BIN1: variants seen among roughly 807,000 people sequenced by gnomAD.
BIN1 encodes the protein myc box-dependent-interacting protein 1.
In BIN1, 53 loss-of-function variants were observed where a neutral mutation model predicts 82.0. The ratio of observed to expected loss-of-function variants is 0.65; its 90% confidence interval spans 0.52 to 0.81. The LOEUF (loss-of-function observed/expected upper bound fraction) is 0.81. BIN1 is among the 40% of genes least tolerant of loss of function. BIN1 has a pLI of 0.00. For synonymous variants in BIN1, 302 were observed against 328.0 expected, an observed-to-expected ratio of 0.92 and a Z score of 0.86; for missense variants, 642 against 784.4, an observed-to-expected ratio of 0.82 and a Z score of 2.17.
intron 18 of BIN1, among the ~76,000 whole-genome samples, chr2:127,048,934 C>T (rs1051357461): frequency 6.6e-6 from 1 of 152,232 alleles, no homozygotes; most frequent in Non-Finnish European, 1.5e-5. Context: ...TCCAGGATTC[C>T]AGGCTTCTCA....
rs906382843 is a variant in BIN1 at position 127,048,553 on chromosome 2, G to C, written c.1755C>G (p.Pro585=). The C allele has an allele frequency of 5.6e-6, 9 of 1,613,912 alleles. No individual in the cohort carries two copies. Among genetic ancestry groups the C allele is most frequent in the Non-Finnish European group, 6.8e-6 (8 of 1,180,032 alleles). The stretch of plus-strand genomic sequence containing the variant: ...ATGGGACCCTCTCAGTGAAGTTCTC[G>C]GGGAAGACGCCACGGCACTTCTCCA... The part of the protein sequence containing the change: ...KELEKCRGVF[P]ENFTERVP Residue 585 remains proline, a synonymous_variant, in exon 19 of 19, where the codon CCC becomes CCG. Coordinates refer to ENST00000316724, the MANE Select transcript of BIN1 (RefSeq NM_139343.3).
At chr2:127,106,382 A>C (rs1261879949) in intron 1 of BIN1, among the ~76,000 whole-genome samples, 1 of 152,218 alleles carries the variant, frequency 6.6e-6, no homozygotes, top group Non-Finnish European at 1.5e-5. Flanking sequence ...TTCGAGAAGC[A>C]GCCTTGGGAG....
chr2:127,088,845 G>A (rs938815351), intron 1 of BIN1, among the ~76,000 whole-genome samples: 1 of 152,140 alleles, frequency 6.6e-6, no homozygotes, highest in African/African-American at 2.4e-5. Flanking sequence ...GAGACCTGAT[G>A]AAGGAGCAAG....
At chr2:127,092,510 T>C (rs1679063472) in intron 1 of BIN1, among the ~76,000 whole-genome samples, 1 of 152,152 alleles carries the variant, frequency 6.6e-6, no homozygotes, top group Non-Finnish European at 1.5e-5. Flanking sequence ...TGGGAGGCAG[T>C]GCTGCTGACT....
At chr2:127,063,507 G>T in intron 9 of BIN1, 64 bp downstream of exon 9, 1 of 1,534,860 alleles carries the variant, frequency 6.5e-7, no homozygotes. Flanking sequence ...CCCCTCCCAC[G>T]ACTCTGACTC....
At position 127,095,056 on chromosome 2, in the gene BIN1, G is replaced by A. The variant is rs116377143; in HGVS notation, c.84+11804C>T. Reference sequence around the variant, plus strand: ...GGACAGGCTGCTTCACTGAGTCCTTGCAGGGAGAGGGGACACAAATAAATA... The same window carrying A: ...GGACAGGCTGCTTCACTGAGTCCTTACAGGGAGAGGGGACACAAATAAATA... On this transcript the variant is annotated intron_variant, in intron 1 of 18. Coordinates refer to ENST00000316724, the MANE Select transcript of BIN1 (RefSeq NM_139343.3). 8.4e-3 allele frequency among the ~76,000 whole-genome samples: 1,284 copies of A among 152,338 alleles called. 25 individuals carry two copies. The highest frequency in any genetic ancestry group is 0.029 in the African/African-American group (1,209 of 41,572).
Position 127,057,656 on chromosome 2 carries a change from G to T in BIN1, c.1003-55C>A. 1 of 1,459,340 alleles carries T rather than the reference G, an allele frequency of 6.9e-7. No homozygotes were observed. The highest frequency in any genetic ancestry group is 9.1e-7 in the Non-Finnish European group (1 of 1,099,662). 90.4% of individuals were successfully genotyped at this position (1,459,340 alleles called of 1,614,324 possible). Reference sequence around the variant, plus strand: ...GCGGGAAGGCACAGCAGAGCACGGGGTTTGGGGGAGACAGACAGAGACAAA... The same window carrying T: ...GCGGGAAGGCACAGCAGAGCACGGGTTTTGGGGGAGACAGACAGAGACAAA... On this transcript the variant is annotated intron_variant, in intron 11 of 18. Transcript: ENST00000316724. The surrounding 1 kb of genome is among the most constrained non-coding windows in gnomAD (Gnocchi z 5.0).
chr2:127,085,234 A>T (rs1019165305), intron 1 of BIN1, among the ~76,000 whole-genome samples: 1 of 152,232 alleles, frequency 6.6e-6, no homozygotes, highest in Non-Finnish European at 1.5e-5. Flanking sequence ...TGGAGAGCAG[A>T]GCCCAGGGGC....
At position 127,106,929 on chromosome 2, in the gene BIN1, G is replaced by A. The variant is rs1681238950; in HGVS notation, c.15C>T (p.Gly5=). 1 of 1,611,910 alleles carries A rather than the reference G, an allele frequency of 6.2e-7. No homozygotes were observed. The highest frequency in any genetic ancestry group is 1.3e-5 in the African/African-American group (1 of 74,764). The change falls in exon 1 of 19, where the codon GGC becomes GGT. Residue 5 remains glycine, a synonymous_variant. Coordinates refer to ENST00000316724, the MANE Select transcript of BIN1 (RefSeq NM_139343.3). The part of the protein sequence containing the change: MAEM[G]SKGVTAGKIA... ...TCTTTCCCGCCGTCACCCCTTTACTGCCCATCTCTGCCATCGCGGCGCAGG... is the reference window on the plus strand; with the variant it reads ...TCTTTCCCGCCGTCACCCCTTTACTACCCATCTCTGCCATCGCGGCGCAGG...
intron 1 of BIN1, among the ~76,000 whole-genome samples, chr2:127,100,897 G>A (rs1346373941): frequency 2.6e-5 from 4 of 151,544 alleles, no homozygotes; most frequent in East Asian, 1.9e-4. Flanking sequence ...TTTCGATTTC[G>A]TCTTCACCAC....
chr2:127,057,187 T>C lies in BIN1; in HGVS notation c.1131+286A>G, dbSNP rs1448333984. On this transcript the variant is annotated intron_variant, in intron 12 of 18. Coordinates refer to ENST00000316724, the MANE Select transcript of BIN1 (RefSeq NM_139343.3). This position sits in a 1 kb window ranked among gnomAD's most constrained non-coding sequence, Gnocchi z 5.0. ...CCACACTCCCCGATCCCCTCTGCCA[T>C]AGCACCCACTGCGTCGCGAGGGCGC... Among the ~76,000 whole-genome samples the C allele has an allele frequency of 6.6e-6, 1 of 152,202 alleles. No homozygotes were observed. Among genetic ancestry groups the C allele is most frequent in the African/African-American group, 2.4e-5 (1 of 41,452 alleles).
intron 12 of BIN1, 35 bp from the exon 13 acceptor site, chr2:127,054,047 G>A (rs1233121890): frequency 6.5e-7 from 1 of 1,538,706 alleles, no homozygotes; most frequent in Non-Finnish European, 8.8e-7. Flanking sequence ...GGAGGAAGCA[G>A]TTAGTGTTAA....
intron 1 of BIN1, among the ~76,000 whole-genome samples, chr2:127,084,141 G>A (rs963866367): frequency 9.9e-5 from 15 of 152,154 alleles, no homozygotes; most frequent in Non-Finnish European, 1.2e-4. Flanking sequence ...GAGCCTGGAG[G>A]AGAAAAAAAA....
intron 1 of BIN1, among the ~76,000 whole-genome samples, chr2:127,092,236 G>A (rs970530747): frequency 6.6e-6 from 1 of 152,178 alleles, no homozygotes; most frequent in African/African-American, 2.4e-5. Flanking sequence ...TGTGTGGTAA[G>A]GAGGAGTGGA....
chr2:127,070,555 C>T lies in BIN1; in HGVS notation c.313G>A (p.Glu105Lys), dbSNP rs1685745258. Residue 105 changes from glutamate (E) to lysine (K), a missense_variant and splice_region_variant, in exon 4 of 19, where the codon GAG (glutamate) becomes AAG (lysine). Coordinates refer to ENST00000316724, the MANE Select transcript of BIN1 (RefSeq NM_139343.3). Reference sequence around the variant, plus strand: ...AGGCCCACCTGTCCCATGCTCACCTCTGCGATCTTGTTTGCCTCATCCCTG... The same window carrying T: ...AGGCCCACCTGTCCCATGCTCACCTTTGCGATCTTGTTTGCCTCATCCCTG... The part of the protein sequence containing the change: ...PGRDEANKIA[E>K]NNDLLWMDYH... 1 of 1,614,082 alleles carries T rather than the reference C, an allele frequency of 6.2e-7. No homozygotes were observed. The highest frequency in any genetic ancestry group is 8.5e-7 in the Non-Finnish European group (1 of 1,180,014).
Position 127,090,304 on chromosome 2 carries a change from G to T in BIN1, c.85-13598C>A, listed in dbSNP as rs1200851197. Among the ~76,000 whole-genome samples, 2 of 152,232 alleles carry T rather than the reference G, an allele frequency of 1.3e-5. No homozygotes were observed. Among genetic ancestry groups the T allele is most frequent in the East Asian group, 3.8e-4 (2 of 5,198 alleles). ...CTGGTGCAACCCGCTGTGGCCACAT[G>T]AGGAGCCCTGATGGGCCTTGCTACT... On this transcript the variant is annotated intron_variant, in intron 1 of 18. Transcript: ENST00000316724. The surrounding 1 kb of genome is among the most constrained non-coding windows in gnomAD (Gnocchi z 6.4).
intron 1 of BIN1, among the ~76,000 whole-genome samples, chr2:127,094,623 A>G (rs764437410): frequency 3.3e-5 from 5 of 152,204 alleles, no homozygotes; most frequent in Non-Finnish European, 7.4e-5. Flanking sequence ...ACTGCAGACT[A>G]TGGGGAAGGC....
intron 18 of BIN1, among the ~76,000 whole-genome samples, chr2:127,049,430 G>A (rs1165999325): frequency 6.6e-6 from 1 of 152,156 alleles, no homozygotes; most frequent in African/African-American, 2.4e-5. Flanking sequence ...CAGGCCTCCT[G>A]CCCCGGACCT....
chr2:127,052,801 T>C (rs1407943244), intron 14 of BIN1: 1 of 253,570 alleles, frequency 3.9e-6, no homozygotes, highest in African/African-American at 2.2e-5. Context: ...GGAGACCCTG[T>C]TGGAATTCTG....
Sources: allele counts gnomAD v4.1 joint callset (sites outside exome capture counted in the v4.1 genomes callset), GRCh38; gene constraint gnomAD v4.1.1; non-coding constraint Gnocchi (gnomAD v3.1); transcripts MANE v1.5; gene names NCBI Gene and HGNC (gene_info 2026-07-23, HGNC 2026-07-21).